Variants in DCC observed in about 807,000 individuals in gnomAD.
DCC encodes the protein DCC netrin 1 receptor, also known as netrin receptor DCC.
In DCC, 58 loss-of-function variants were observed where a neutral mutation model predicts 172.5. The ratio of observed to expected loss-of-function variants is 0.34; its 90% CI spans 0.27 to 0.42. The LOEUF (loss-of-function observed/expected upper bound fraction) is 0.42. Ranked by LOEUF, DCC falls within the 10% of genes least tolerant of loss-of-function variation. The pLI, the probability that DCC is intolerant of heterozygous loss-of-function variation, is 1.00. For missense variants in DCC, 1,740 were observed against 1,791.0 expected, an observed-to-expected ratio of 0.97 and a Z score of 0.51; for synonymous variants, 709 against 644.5, an observed-to-expected ratio of 1.10 and a Z score of -1.52.
At chr18:53,254,895 C>A (rs1296652006) in intron 12 of DCC, among the ~76,000 whole-genome samples, 1 of 152,030 alleles carries the variant, frequency 6.6e-6, no homozygotes, top group Non-Finnish European at 1.5e-5. Flanking sequence ...AAGCATATAA[C>A]ATATCCTAAT....
intron 3 of DCC, among the ~76,000 whole-genome samples, chr18:52,919,199 G>A (rs189037101): frequency 2.6e-5 from 4 of 152,264 alleles, no homozygotes; most frequent in East Asian, 1.9e-4. Context: ...TTTTGAGACC[G>A]TGGCTGCAGA....
intron 15 of DCC, among the ~76,000 whole-genome samples, chr18:53,351,241 T>G (rs1381698239): frequency 7.2e-6 from 1 of 138,560 alleles, no homozygotes; most frequent in African/African-American, 2.6e-5. Flanking sequence ...GATACTAGTA[T>G]TGTATATTAG....
intron 5 of DCC, among the ~76,000 whole-genome samples, chr18:52,983,985 C>G (rs1568227339): frequency 6.6e-6 from 1 of 151,726 alleles, no homozygotes; most frequent in Admixed American, 6.6e-5. Flanking sequence ...AAAATGTTTA[C>G]TATTTCAGAA....
chr18:52,752,383 A>G lies in DCC; in HGVS notation c.412+9A>G. ...AAAAGTTGCAGTAGCAGGTAGGTGG[A>G]TTCTTCCTTCTCTTCCTCCTCCTCC... On this transcript the variant is annotated intron_variant, in intron 2 of 28. Coordinates refer to ENST00000442544, the MANE Select transcript of DCC (RefSeq NM_005215.4). 6.2e-7 allele frequency: 1 copy of G among 1,604,874 alleles called. No individual in the cohort carries two copies. Among genetic ancestry groups the G allele is most frequent in the African/African-American group, 1.3e-5 (1 of 74,880 alleles).
chr18:53,232,645 G>T (rs1214023786), intron 12 of DCC, among the ~76,000 whole-genome samples: 1 of 152,126 alleles, frequency 6.6e-6, no homozygotes, highest in Non-Finnish European at 1.5e-5. Flanking sequence ...ATAAATGAAG[G>T]TTAGTTGTAC....
chr18:53,136,652 C>A (rs2043747259), intron 7 of DCC, among the ~76,000 whole-genome samples: 1 of 151,836 alleles, frequency 6.6e-6, no homozygotes, highest in Admixed American at 6.6e-5. Context: ...TATGAGGAAA[C>A]TTTAGGGTTG....
At chr18:53,400,832 C>T (rs375893154) in intron 18 of DCC, among the ~76,000 whole-genome samples, 2 of 151,990 alleles carry the variant, frequency 1.3e-5, no homozygotes, top group East Asian at 1.9e-4. Context: ...TTTTTGAATG[C>T]GTAACAGATT....
chr18:53,113,185 G>C (rs1483118553), intron 7 of DCC, among the ~76,000 whole-genome samples: 1 of 151,500 alleles, frequency 6.6e-6, no homozygotes, highest in East Asian at 1.9e-4. Flanking sequence ...GGTTAAAGAA[G>C]TTGATGTATA....
Position 52,733,431 on chromosome 18 carries a change from G to C in DCC, c.92-18623G>C, listed in dbSNP as rs539993969. Among the ~76,000 whole-genome samples, 202 of 152,102 alleles carry C rather than the reference G, an allele frequency of 1.3e-3. 1 individual carries two copies. Among genetic ancestry groups the C allele is most frequent in the Non-Finnish European group, 1.6e-3 (108 of 68,020 alleles). ...TCAGTTCGTTTTCAGCTGCATGTTA[G>C]TGTAACTAGTCTGCAGCCATCCCTT... On this transcript the variant is annotated intron_variant, in intron 1 of 28. Transcript: ENST00000442544.
At chr18:53,308,868 T>C (rs2057232635) in intron 13 of DCC, among the ~76,000 whole-genome samples, 1 of 152,150 alleles carries the variant, frequency 6.6e-6, no homozygotes, top group African/African-American at 2.4e-5. Context: ...AAGGTGTTGG[T>C]AGGTTCAGCT....
At chr18:53,230,133 C>T (rs987241021) in intron 12 of DCC, among the ~76,000 whole-genome samples, 1 of 152,014 alleles carries the variant, frequency 6.6e-6, no homozygotes, top group Admixed American at 6.6e-5. Flanking sequence ...TGAGAGACAC[C>T]TCTGCACCTT....
At chr18:52,430,628 A>G (rs1417258572) in intron 1 of DCC, among the ~76,000 whole-genome samples, 1 of 152,186 alleles carries the variant, frequency 6.6e-6, no homozygotes, top group Admixed American at 6.5e-5. Context: ...CATTTCTTAC[A>G]TACATACAAA....
intron 1 of DCC, among the ~76,000 whole-genome samples, chr18:52,726,256 GA>G (rs1369935280): frequency 1.3e-5 from 2 of 152,184 alleles, no homozygotes; most frequent in Non-Finnish European, 2.9e-5. Context: ...TTCAAATCTA[GA>G]TATGCTTGCC....
chr18:52,395,658 CG>C (rs1210256002), intron 1 of DCC, among the ~76,000 whole-genome samples: 2 of 152,012 alleles, frequency 1.3e-5, no homozygotes, highest in Non-Finnish European at 2.9e-5. Flanking sequence ...TGATACTTCT[CG>C]GGTTTCTCTA....
chr18:52,651,229 C>T (rs1468125815), intron 1 of DCC, among the ~76,000 whole-genome samples: 2 of 152,182 alleles, frequency 1.3e-5, no homozygotes, highest in African/African-American at 2.4e-5. Flanking sequence ...GTGGTACAAA[C>T]ATGGCTCACT....
intron 1 of DCC, among the ~76,000 whole-genome samples, chr18:52,577,061 C>G (rs764175978): frequency 9.2e-5 from 14 of 152,158 alleles, no homozygotes; most frequent in Non-Finnish European, 2.1e-4. Flanking sequence ...TACAGTGCAG[C>G]TCTGAACATC....
At chr18:53,222,388 T>TTC (rs1260954850) in intron 12 of DCC, among the ~76,000 whole-genome samples, 2 of 138,702 alleles carry the variant, frequency 1.4e-5, no homozygotes, top group African/African-American at 5.5e-5. Context: ...TTTTTCTTTT[T>TTC]TTTTTTTTTT....
chr18:52,685,473 T>A (rs976977026), intron 1 of DCC, among the ~76,000 whole-genome samples: 1 of 152,082 alleles, frequency 6.6e-6, no homozygotes, highest in East Asian at 1.9e-4. Context: ...GTTATGACAA[T>A]GTTGGAAGGT....
chr18:53,285,315 A>G (rs1282373306), intron 12 of DCC, among the ~76,000 whole-genome samples: 2 of 152,134 alleles, frequency 1.3e-5, no homozygotes, highest in South Asian at 4.1e-4. Flanking sequence ...GGGTCCCTCT[A>G]TTGTGTGCAG....
Sources: allele counts gnomAD v4.1 joint callset (sites outside exome capture counted in the v4.1 genomes callset), GRCh38; gene constraint gnomAD v4.1.1; transcripts MANE v1.5; gene names NCBI Gene and HGNC (gene_info 2026-07-23, HGNC 2026-07-21).